PRIM1: variants seen among roughly 807,000 people sequenced by gnomAD.
The protein encoded by PRIM1 is DNA primase small subunit.
A neutral mutation model predicts 60.2 loss-of-function variants in PRIM1; 38 were observed. The ratio of observed to expected loss-of-function variants is 0.63; its 90% confidence interval spans 0.49 to 0.83. PRIM1 has a LOEUF of 0.83. Ranked by LOEUF, PRIM1 falls within the 40% of genes least tolerant of loss-of-function variation. The pLI is 0.00. For missense variants in PRIM1, 388 were observed against 506.2 expected (o/e 0.77, Z 2.24); for synonymous variants, 158 against 160.2 (o/e 0.99, Z 0.10).
rs1953849737 is a variant in PRIM1 at position 56,738,471 on chromosome 12, CTCCTCTTTT to C, written c.1098_1106del (p.Lys367_Glu369del). On this transcript the variant is annotated inframe_deletion, in exon 11 of 13. Transcript: ENST00000338193. ...GTTTGACATCAGATTCAGCTTCATT[CTCCTCTTTT>C]TCCTCTTCATTAGTGGAAATGGCAT... The C allele has an allele frequency of 6.3e-7, 1 of 1,588,220 alleles. No homozygotes were observed. The highest frequency in any genetic ancestry group is 1.3e-5 in the African/African-American group (1 of 74,540).
intron 9 of PRIM1, among the ~76,000 whole-genome samples, chr12:56,740,756 C>T (rs774265433): frequency 3.3e-5 from 5 of 151,952 alleles, no homozygotes; most frequent in Non-Finnish European, 7.4e-5. Flanking sequence ...GACTCTTTCT[C>T]GAAAAAAATT....
At chr12:56,741,902 G>A (rs2137863247) in intron 7 of PRIM1, 65 bp from the exon 8 acceptor site, 1 of 1,335,216 alleles carries the variant, frequency 7.5e-7, no homozygotes, top group African/African-American at 1.4e-5. Flanking sequence ...TTTTAAGTAT[G>A]TATTACCACA....
intron 9 of PRIM1, among the ~76,000 whole-genome samples, chr12:56,740,970 C>G (rs551742402): frequency 2.6e-5 from 4 of 152,152 alleles, no homozygotes; most frequent in South Asian, 2.1e-4. Flanking sequence ...TGCACCACCA[C>G]GTCTAGCTAA....
intron 1 of PRIM1, among the ~76,000 whole-genome samples, chr12:56,751,966 G>GT (rs66861394): frequency 0.017 from 1,368 of 79,336 alleles, 53 homozygotes; most frequent in African/African-American, 0.047. Context: ...CGGCGGCTCT[G>GT]TTTTTTTTTT....
chr12:56,749,149 T>C (rs10876918), intron 2 of PRIM1, among the ~76,000 whole-genome samples: 88,528 of 151,802 alleles, frequency 0.58, 26,941 homozygotes, highest in South Asian at 0.74. Flanking sequence ...GCTGGGACTG[T>C]AGGCATGTGC....
chr12:56,734,227 A>G lies in PRIM1; in HGVS notation c.1163T>C (p.Leu388Pro). 6.3e-7 allele frequency: 1 copy of G among 1,593,018 alleles called. No individual in the cohort carries two copies. The highest frequency in any genetic ancestry group is 1.1e-5 in the South Asian group (1 of 89,240). ...HRTRDYKKTSLAPYVKVFEHF... is the reference protein window; with the variant it reads ...HRTRDYKKTSPAPYVKVFEHF... ...TTCAAAAACTTTCACATAAGGTGCT[A>G]GACTGGTCTTCTTATAATCTAAATT... The change falls in exon 12 of 13, where the codon CTA becomes CCA. Residue 388 changes from leucine to proline, a missense_variant. Coordinates refer to ENST00000338193, the MANE Select transcript of PRIM1 (RefSeq NM_000946.3).
chr12:56,736,447 G>A (rs780940120), intron 11 of PRIM1, among the ~76,000 whole-genome samples: 7 of 151,504 alleles, frequency 4.6e-5, no homozygotes, highest in South Asian at 2.1e-4. Flanking sequence ...AGTATCCTAC[G>A]TTTGCATGGA....
chr12:56,735,153 T>C (rs1237427338), intron 11 of PRIM1, among the ~76,000 whole-genome samples: 1 of 150,028 alleles, frequency 6.7e-6, no homozygotes, highest in Admixed American at 6.7e-5. Context: ...CAGGCTGGTA[T>C]GCAGTGGTGC....
At chr12:56,734,601 G>C (rs1287298585) in intron 11 of PRIM1, among the ~76,000 whole-genome samples, 1 of 149,970 alleles carries the variant, frequency 6.7e-6, no homozygotes, top group Non-Finnish European at 1.5e-5. Context: ...TAGAGACGAG[G>C]TCTCACTCTG....
At chr12:56,745,431 A>C (rs1242542494) in intron 5 of PRIM1, among the ~76,000 whole-genome samples, 1 of 151,532 alleles carries the variant, frequency 6.6e-6, no homozygotes, top group African/African-American at 2.4e-5. Context: ...AAAACAAAAC[A>C]AAAAAAACCA....
At chr12:56,747,170 C>G in intron 2 of PRIM1, 138 bp from the exon 3 acceptor site, 1 of 665,858 alleles carries the variant, frequency 1.5e-6, no homozygotes, top group East Asian at 2.7e-5. Flanking sequence ...AGTGAAAGTT[C>G]ATTATTTTGG....
chr12:56,736,025 C>T lies in PRIM1; in HGVS notation c.1145-1780G>A, dbSNP rs185641605. Among the ~76,000 whole-genome samples, 7 of 151,268 alleles carry T rather than the reference C, an allele frequency of 4.6e-5. No individual in the cohort carries two copies. The East Asian group carries it at 9.8e-4, about 21-fold the overall frequency. On this transcript the variant is annotated intron_variant, in intron 11 of 12. Transcript: ENST00000338193. Reference sequence around the variant, plus strand: ...CAAAAAATTTAATATAGGCAGGGTGCGGTGGCTCATGCCTATAATCCCAGC... The same window carrying T: ...CAAAAAATTTAATATAGGCAGGGTGTGGTGGCTCATGCCTATAATCCCAGC...
chr12:56,735,174 C>T (rs1239011146), intron 11 of PRIM1, among the ~76,000 whole-genome samples: 5 of 150,960 alleles, frequency 3.3e-5, no homozygotes, highest in East Asian at 3.9e-4. Flanking sequence ...AATCTTGGCT[C>T]GGGAACCTCC....
At position 56,739,294 on chromosome 12, in the gene PRIM1, C is replaced by T. The variant is rs1247694103; in HGVS notation, c.1052G>A (p.Ser351Asn). 1.3e-6 allele frequency: 2 copies of T among 1,555,798 alleles called. No individual in the cohort carries two copies. The highest frequency in any genetic ancestry group is 2.4e-5 in the South Asian group (2 of 83,270). Residue 351 changes from serine (S) to asparagine (N), a missense_variant and splice_region_variant, in exon 10 of 13, where the codon AGC becomes AAC. Ser to Asn is a conservative substitution (Grantham distance 46). Coordinates refer to ENST00000338193, the MANE Select transcript of PRIM1 (RefSeq NM_000946.3). ...QFDPFTVPTI[S>N]FICRELDAIS... Reference sequence around the variant, plus strand: ...GAGTGATCAATGATCTGAAACATACCTTATGGTCGGAACAGTAAATGGATC... The same window carrying T: ...GAGTGATCAATGATCTGAAACATACTTTATGGTCGGAACAGTAAATGGATC...
chr12:56,738,831 T>C (rs1953852404), intron 10 of PRIM1, among the ~76,000 whole-genome samples: 1 of 152,328 alleles, frequency 6.6e-6, no homozygotes, highest in South Asian at 2.1e-4. Flanking sequence ...ATTACAGGCA[T>C]GAGCCACCGC....
At chr12:56,744,610 G>A (rs140742733) in intron 5 of PRIM1, among the ~76,000 whole-genome samples, 159 of 152,112 alleles carry the variant, frequency 1.0e-3, no homozygotes, top group African/African-American at 3.7e-3. Flanking sequence ...TGTTACAATT[G>A]CCTACAGTAT....
At chr12:56,740,008 G>A (rs1246961862) in intron 9 of PRIM1, among the ~76,000 whole-genome samples, 1 of 151,964 alleles carries the variant, frequency 6.6e-6, no homozygotes, top group African/African-American at 2.4e-5. Context: ...GTGGTGGCGG[G>A]TACCTGTAAT....
chr12:56,734,750 T>A (rs918919695), intron 11 of PRIM1, among the ~76,000 whole-genome samples: 1 of 147,100 alleles, frequency 6.8e-6, no homozygotes, highest in Non-Finnish European at 1.5e-5. Context: ...AGATATATGA[T>A]ACTCTCTTTC....
intron 4 of PRIM1, chr12:56,746,390 T>A (rs932566139): frequency 2.8e-6 from 2 of 707,208 alleles, no homozygotes; most frequent in Non-Finnish European, 4.9e-6. Context: ...CCCAGCACTC[T>A]GGGAGGCCGA....
Sources: gnomAD v4.1 joint callset for allele counts (sites outside exome capture counted in the v4.1 genomes callset) on GRCh38, gnomAD v4.1.1 for gene constraint, MANE v1.5 for transcripts, NCBI Gene and HGNC (gene_info 2026-07-23, HGNC 2026-07-21) for gene names.